MECOM: variants seen among roughly 807,000 people sequenced by gnomAD.
MECOM encodes MDS1 and EVI1 complex locus.
A neutral mutation model predicts 116.3 loss-of-function variants in MECOM; 13 were observed. The observed-to-expected ratio is 0.11, with a 90% confidence interval of 0.07 to 0.18. The LOEUF (loss-of-function observed/expected upper bound fraction) is 0.18. Among genes scored for constraint, MECOM ranks in the 10% least tolerant of loss-of-function variants. The pLI is 1.00. For synonymous variants in MECOM, 528 were observed against 535.2 expected, an observed-to-expected ratio of 0.99 and a Z score of 0.19; for missense variants, 1,299 against 1,509.0, an observed-to-expected ratio of 0.86 and a Z score of 2.31.
chr3:169,622,566 CTCAAATATATCTCATAAAACA>C, intron 1 of MECOM, among the ~76,000 whole-genome samples: 1 of 152,298 alleles, frequency 6.6e-6, no homozygotes, highest in South Asian at 2.1e-4. Context: ...GTGGTGCCCA[CTCAAATATATCTCATAAAACA>C]TCAACTTCCA....
intron 1 of MECOM, among the ~76,000 whole-genome samples, chr3:169,386,569 T>C (rs1217516582): frequency 6.6e-6 from 1 of 152,226 alleles, no homozygotes; most frequent in African/African-American, 2.4e-5. Context: ...ATTTTACTAT[T>C]TTCTAAAACT....
intron 1 of MECOM, among the ~76,000 whole-genome samples, chr3:169,623,310 T>A (rs1306516079): frequency 6.6e-6 from 1 of 152,250 alleles, no homozygotes; most frequent in Non-Finnish European, 1.5e-5. Flanking sequence ...ATTCATTTAT[T>A]CTAGTTCAAT....
At chr3:169,395,276 A>G (rs1350321032) in intron 1 of MECOM, among the ~76,000 whole-genome samples, 2 of 152,178 alleles carry the variant, frequency 1.3e-5, no homozygotes, top group African/African-American at 2.4e-5. Context: ...AGTTCATTAC[A>G]ATGATTCAAT....
chr3:169,627,916 C>G (rs2109945022), intron 1 of MECOM, among the ~76,000 whole-genome samples: 1 of 152,330 alleles, frequency 6.6e-6, no homozygotes, highest in African/African-American at 2.4e-5. Flanking sequence ...CAGATTTGAG[C>G]AGTGCTGTGG....
rs58034636 is a variant in MECOM, at chr3:169,377,741, G to A, written c.375+3446C>T. On this transcript the variant is annotated intron_variant, in intron 2 of 16. Coordinates refer to ENST00000651503, the MANE Select transcript of MECOM (RefSeq NM_004991.4). The stretch of plus-strand genomic sequence containing the variant: ...TGTTGGTGGGAGTATAAATTAGTTC[G>A]ACCATTGTGGAAGACGGTGTGGCGA... Among the ~76,000 whole-genome samples the A allele has an allele frequency of 5.8e-3, 880 of 152,162 alleles. 19 individuals carry two copies. In the East Asian group the frequency reaches 0.069, roughly 12 times the overall value.
At chr3:169,107,993 TG>T (rs747588023) in intron 9 of MECOM, 41 bp from the exon 10 acceptor site, 1 of 1,571,710 alleles carries the variant, frequency 6.4e-7, no homozygotes, top group Non-Finnish European at 8.7e-7. Flanking sequence ...ATTACTTCTG[TG>T]TTGGTATCTT....
At chr3:169,270,015 C>G (rs1233890726) in intron 2 of MECOM, among the ~76,000 whole-genome samples, 1 of 151,566 alleles carries the variant, frequency 6.6e-6, no homozygotes, top group Non-Finnish European at 1.5e-5. Flanking sequence ...TCACTTGGCC[C>G]AAAGTGTAGG....
chr3:169,658,666 C>T (rs921172457), intron 1 of MECOM, among the ~76,000 whole-genome samples: 4 of 152,074 alleles, frequency 2.6e-5, no homozygotes, highest in Admixed American at 2.6e-4. Context: ...CTGGGGCTTC[C>T]CCAGTCCCAC....
At chr3:169,539,505 G>A (rs1446504914) in intron 1 of MECOM, among the ~76,000 whole-genome samples, 1 of 152,110 alleles carries the variant, frequency 6.6e-6, no homozygotes, top group Non-Finnish European at 1.5e-5. Flanking sequence ...TCCTCTTCCA[G>A]TGTCTGTCTA....
intron 14 of MECOM, among the ~76,000 whole-genome samples, chr3:169,090,830 TA>T (rs1044692785): frequency 5.9e-5 from 9 of 152,032 alleles, no homozygotes; most frequent in African/African-American, 1.9e-4. Context: ...ATTTTCAAAT[TA>T]TTTTTTACAG....
intron 1 of MECOM, among the ~76,000 whole-genome samples, chr3:169,601,960 TAAATG>T (rs2109748088): frequency 6.6e-6 from 1 of 152,268 alleles, no homozygotes; most frequent in South Asian, 2.1e-4. Flanking sequence ...CTGCTGACAA[TAAATG>T]AAATGAAATT....
intron 2 of MECOM, among the ~76,000 whole-genome samples, chr3:169,280,544 A>T (rs1380174060): frequency 6.6e-6 from 1 of 152,180 alleles, no homozygotes; most frequent in Admixed American, 6.5e-5. Flanking sequence ...AGCACACTAT[A>T]TTGGAAAATG....
intron 2 of MECOM, among the ~76,000 whole-genome samples, chr3:169,161,654 T>G (rs1189573016): frequency 6.6e-6 from 1 of 152,168 alleles, no homozygotes; most frequent in Non-Finnish European, 1.5e-5. Context: ...TCTCTCCCCT[T>G]CTTCAAAAAG....
At chr3:169,225,503 C>T (rs914424710) in intron 2 of MECOM, among the ~76,000 whole-genome samples, 1 of 152,186 alleles carries the variant, frequency 6.6e-6, no homozygotes, top group African/African-American at 2.4e-5. Flanking sequence ...TCTCAAAACA[C>T]CCTACACCAA....
chr3:169,176,680 A>T (rs949384735), intron 2 of MECOM, among the ~76,000 whole-genome samples: 2 of 152,184 alleles, frequency 1.3e-5, no homozygotes, highest in African/African-American at 4.8e-5. Context: ...GTGAACAGGC[A>T]ACCTACAGAA....
intron 1 of MECOM, among the ~76,000 whole-genome samples, chr3:169,487,184 G>C (rs552357599): frequency 6.6e-6 from 1 of 152,166 alleles, no homozygotes; most frequent in East Asian, 1.9e-4. Context: ...TTAATCTAAA[G>C]AATATACTTC....
chr3:169,532,943 T>C (rs1375183715), intron 1 of MECOM, among the ~76,000 whole-genome samples: 1 of 152,208 alleles, frequency 6.6e-6, no homozygotes, highest in Non-Finnish European at 1.5e-5. Context: ...ACGTTAACCC[T>C]ATTTTATGAA....
At chr3:169,284,604 T>C (rs940776716) in intron 2 of MECOM, among the ~76,000 whole-genome samples, 1 of 152,026 alleles carries the variant, frequency 6.6e-6, no homozygotes, top group Non-Finnish European at 1.5e-5. Flanking sequence ...AATGTGTGTG[T>C]ATATACAAAT....
At chr3:169,388,349 T>G (rs1733716586) in intron 1 of MECOM, among the ~76,000 whole-genome samples, 1 of 152,104 alleles carries the variant, frequency 6.6e-6, no homozygotes, top group African/African-American at 2.4e-5. Flanking sequence ...TCTGCACCAG[T>G]AACACAGTGA....
Sources: gnomAD v4.1 joint callset for allele counts (sites outside exome capture counted in the v4.1 genomes callset) on GRCh38, gnomAD v4.1.1 for gene constraint, MANE v1.5 for transcripts, NCBI Gene and HGNC (gene_info 2026-07-23, HGNC 2026-07-21) for gene names.